Variants in RBKS observed in about 807,000 individuals in gnomAD.
RBKS encodes ribokinase.
Under a neutral mutation model 33.9 loss-of-function variants are expected in RBKS, and 33 were observed. The ratio of observed to expected loss-of-function variants is 0.97; its 90% CI spans 0.74 to 1.30. The LOEUF is 1.30. Among genes scored for constraint, RBKS ranks in the 50% most tolerant of loss-of-function variants. The pLI is 0.00. For missense variants in RBKS, 361 were observed against 392.6 expected (o/e 0.92, Z 0.68); for synonymous variants, 125 against 143.0 (o/e 0.87, Z 0.90).
At position 27,890,181 on chromosome 2, in the gene RBKS, A is replaced by T; in HGVS notation, c.89+76T>A. 7.0e-7 allele frequency: 1 copy of T among 1,427,598 alleles called. No individual in the cohort carries two copies. The highest frequency in any genetic ancestry group is 1.8e-5 in the Admixed American group (1 of 56,838). The allele number at this position is 1,427,598 out of a possible 1,614,324, so 88.4% of individuals were successfully genotyped here. On this transcript the variant is annotated intron_variant, in intron 1 of 7. Transcript: ENST00000302188. This position sits in a 1 kb window ranked among gnomAD's most constrained non-coding sequence, Gnocchi z 4.8. ...CTATCCCTGGAGACCCAGCGCCCAA[A>T]AGCTCCACTGGGCGCATAGCGCACG...
chr2:27,858,430 T>C lies in RBKS; in HGVS notation c.222+9A>G, dbSNP rs1289285852. ...CTCTAGAGTCCTCTCCACTATACTT[T>C]GTACTTACCTTACACACCATGGACG... On this transcript the variant is annotated intron_variant, in intron 2 of 7. Coordinates refer to ENST00000302188, the MANE Select transcript of RBKS (RefSeq NM_022128.3). The C allele has an allele frequency of 1.2e-6, 2 of 1,606,572 alleles. No homozygotes were observed. The highest frequency in any genetic ancestry group is 2.2e-5 in the East Asian group (1 of 44,846).
chr2:27,876,592 T>C (rs1204397798), intron 1 of RBKS, among the ~76,000 whole-genome samples: 2 of 152,176 alleles, frequency 1.3e-5, no homozygotes, highest in South Asian at 2.1e-4. Context: ...ATTCCACTTA[T>C]ATAATGTACC....
chr2:27,800,007 A>C (rs1382208503), intron 7 of RBKS, among the ~76,000 whole-genome samples: 1 of 149,504 alleles, frequency 6.7e-6, no homozygotes, highest in African/African-American at 2.5e-5. Flanking sequence ...TGTCATATGT[A>C]CCTGGTTTTA....
intron 7 of RBKS, among the ~76,000 whole-genome samples, chr2:27,791,517 A>T (rs887357894): frequency 6.6e-6 from 1 of 151,816 alleles, no homozygotes; most frequent in Non-Finnish European, 1.5e-5. Context: ...TTGACCTCAG[A>T]CTAAATTGTA....
intron 7 of RBKS, among the ~76,000 whole-genome samples, chr2:27,793,717 T>G (rs1019128062): frequency 3.3e-5 from 5 of 152,250 alleles, no homozygotes; most frequent in Non-Finnish European, 7.3e-5. Context: ...ATTACAGGAC[T>G]GTACATATAA....
intron 4 of RBKS, among the ~76,000 whole-genome samples, chr2:27,845,615 C>G (rs1466868108): frequency 1.3e-5 from 2 of 152,158 alleles, no homozygotes; most frequent in Non-Finnish European, 2.9e-5. Context: ...TAAAATGTAG[C>G]TTAAATGAAC....
At chr2:27,785,336 A>G (rs1573029360) in intron 7 of RBKS, among the ~76,000 whole-genome samples, 1 of 152,338 alleles carries the variant, frequency 6.6e-6, no homozygotes, top group Middle Eastern at 3.4e-3. Context: ...CTCAGTATTC[A>G]AAGAATATCT....
intron 7 of RBKS, among the ~76,000 whole-genome samples, chr2:27,801,370 A>G (rs1677777259): frequency 6.6e-6 from 1 of 151,736 alleles, no homozygotes; most frequent in South Asian, 2.1e-4. Context: ...AACTGGGGCT[A>G]TATCTCCCCG....
intron 1 of RBKS, among the ~76,000 whole-genome samples, chr2:27,878,575 T>G (rs1393936597): frequency 6.6e-6 from 1 of 152,114 alleles, no homozygotes; most frequent in East Asian, 1.9e-4. Context: ...CAAATGGTAT[T>G]TCTAGTTCTA....
chr2:27,796,446 T>C (rs1677667523), intron 7 of RBKS, among the ~76,000 whole-genome samples: 1 of 152,248 alleles, frequency 6.6e-6, no homozygotes, highest in Admixed American at 6.5e-5. Flanking sequence ...ATGTGGCTAC[T>C]ACCCTTTGCC....
intron 1 of RBKS, among the ~76,000 whole-genome samples, chr2:27,861,030 C>T (rs1430582216): frequency 1.3e-5 from 2 of 151,750 alleles, no homozygotes; most frequent in African/African-American, 4.8e-5. Flanking sequence ...TACAGTGGCA[C>T]GATCTCGGCT....
chr2:27,798,145 G>A (rs1322140257), intron 7 of RBKS, among the ~76,000 whole-genome samples: 1 of 152,100 alleles, frequency 6.6e-6, no homozygotes, highest in African/African-American at 2.4e-5. Flanking sequence ...TGGTCATGTA[G>A]GCGCCCAAGT....
chr2:27,839,551 A>G (rs1181773049), intron 5 of RBKS, among the ~76,000 whole-genome samples: 4 of 152,186 alleles, frequency 2.6e-5, no homozygotes, highest in African/African-American at 9.7e-5. Flanking sequence ...TTGAGACAGT[A>G]TATTCAAAGA....
intron 5 of RBKS, among the ~76,000 whole-genome samples, chr2:27,840,917 C>A (rs543563231): frequency 1.2e-3 from 182 of 152,104 alleles, no homozygotes; most frequent in African/African-American, 4.0e-3. Flanking sequence ...AAAATGTGTA[C>A]GAAAGTACTT....
At chr2:27,846,702 C>T (rs1178373547) in intron 4 of RBKS, among the ~76,000 whole-genome samples, 1 of 152,172 alleles carries the variant, frequency 6.6e-6, no homozygotes, top group African/African-American at 2.4e-5. Context: ...ACTGAAATGA[C>T]AGATGAATGC....
Position 27,795,509 on chromosome 2 carries a change from T to A in RBKS, c.796-13721A>T, listed in dbSNP as rs1361329702. Among the ~76,000 whole-genome samples the A allele has an allele frequency of 6.6e-6, 1 of 152,038 alleles. No homozygotes were observed. The highest frequency in any genetic ancestry group is 1.5e-5 in the Non-Finnish European group (1 of 68,004). On this transcript the variant is annotated intron_variant, in intron 7 of 7. Coordinates refer to ENST00000302188, the MANE Select transcript of RBKS (RefSeq NM_022128.3). This position sits in a 1 kb window ranked among gnomAD's most constrained non-coding sequence, Gnocchi z 4.1. ...GTGAACTTTTACTGTTTGCTCCTCATCAAGAGGCAGCAAAGCCGGGTATTT... is the reference window on the plus strand; with the variant it reads ...GTGAACTTTTACTGTTTGCTCCTCAACAAGAGGCAGCAAAGCCGGGTATTT...
intron 7 of RBKS, among the ~76,000 whole-genome samples, chr2:27,818,813 T>A (rs1179049348): frequency 6.6e-6 from 1 of 152,188 alleles, no homozygotes; most frequent in Non-Finnish European, 1.5e-5. Context: ...CACATCATGC[T>A]TAGATGAACA....
intron 7 of RBKS, among the ~76,000 whole-genome samples, chr2:27,793,925 G>A (rs982042182): frequency 6.6e-6 from 1 of 152,136 alleles, no homozygotes; most frequent in African/African-American, 2.4e-5. Flanking sequence ...TGCTAATATT[G>A]GGGAAACTAG....
intron 7 of RBKS, among the ~76,000 whole-genome samples, chr2:27,823,003 A>G (rs771970602): frequency 6.6e-6 from 1 of 152,206 alleles, no homozygotes; most frequent in Non-Finnish European, 1.5e-5. Flanking sequence ...ATAATATATC[A>G]CAGTAGCACA....
Sources: gnomAD v4.1 joint callset for allele counts (sites outside exome capture counted in the v4.1 genomes callset) on GRCh38, gnomAD v4.1.1 for gene constraint, Gnocchi (gnomAD v3.1) non-coding constraint, MANE v1.5 for transcripts, NCBI Gene and HGNC (gene_info 2026-07-23, HGNC 2026-07-21) for gene names.